BAG1: variants seen among roughly 807,000 people sequenced by gnomAD.
The protein encoded by BAG1 is BAG family molecular chaperone regulator 1.
BAG1 carries 35 observed loss-of-function variants against 35.5 expected under a neutral mutation model. That is an observed-to-expected ratio of 0.99 (90% CI 0.75 to 1.31). BAG1 has a LOEUF of 1.31. BAG1 is among the 50% of genes most tolerant of loss of function. BAG1 has a pLI of 0.00. For synonymous variants in BAG1, 191 were observed against 178.9 expected (o/e 1.07, Z -0.54); for missense variants, 464 against 453.6 (o/e 1.02, Z -0.21).
chr9:33,255,631 G>C (rs1164686818), intron 6 of BAG1, among the ~76,000 whole-genome samples: 1 of 152,240 alleles, frequency 6.6e-6, no homozygotes, highest in Non-Finnish European at 1.5e-5. Context: ...ATTGTGTAAT[G>C]TGTCAGCCCT....
At position 33,264,205 on chromosome 9, in the gene BAG1, C is replaced by G. The variant is rs778755896; in HGVS notation, c.451+19G>C. The G allele has an allele frequency of 5.1e-6, 8 of 1,582,374 alleles. No individual in the cohort carries two copies. The highest frequency in any genetic ancestry group is 1.8e-5 in the Admixed American group (1 of 55,808). ...GCTTTCGGGACCTGCATGGAGCCCA[C>G]CTGGCGCCCGACACTCACTGTGGGT... On this transcript the variant is annotated intron_variant, in intron 1 of 6. Coordinates refer to ENST00000634734, the MANE Select transcript of BAG1 (RefSeq NM_004323.6).
At chr9:33,255,771 A>G in intron 6 of BAG1, 94 bp downstream of exon 6, 1 of 1,395,332 alleles carries the variant, frequency 7.2e-7, no homozygotes. Flanking sequence ...CATACCACAC[A>G]CCACGCTCCT....
chr9:33,256,533 A>G (rs1463301176), intron 5 of BAG1, among the ~76,000 whole-genome samples: 1 of 152,232 alleles, frequency 6.6e-6, no homozygotes, highest in Non-Finnish European at 1.5e-5. Context: ...TCCCAGCTTC[A>G]TGACGATTAC....
intron 1 of BAG1, among the ~76,000 whole-genome samples, chr9:33,263,788 T>C (rs1409117564): frequency 6.6e-6 from 1 of 151,874 alleles, no homozygotes; most frequent in Admixed American, 6.6e-5. Context: ...GTACAACGCT[T>C]GGACCCACGG....
Position 33,264,691 on chromosome 9 carries a change from C to A in BAG1, c.-17G>T. ...CTGAGCCAGGCCCGCACTTGTTGACCGCCCAGCGATGGAAGCTGAGCGCGG... is the reference window on the plus strand; with the variant it reads ...CTGAGCCAGGCCCGCACTTGTTGACAGCCCAGCGATGGAAGCTGAGCGCGG... On this transcript the variant is annotated 5_prime_UTR_variant, in exon 1 of 7. Transcript: ENST00000634734. The A allele has an allele frequency of 2.2e-6, 3 of 1,356,748 alleles. No homozygotes were observed. The highest frequency in any genetic ancestry group is 3.7e-5 in the South Asian group (2 of 53,604). 84.0% of individuals were successfully genotyped at this position (1,356,748 alleles called of 1,614,324 possible). A position where few individuals can be genotyped will look rare whatever the true frequency, so the allele number is the denominator to read the frequency against.
At position 33,253,803 on chromosome 9, in the gene BAG1, T is replaced by G. The variant is rs922041249; in HGVS notation, c.*1416A>C. The G allele has an allele frequency of 6.6e-6, 1 of 151,668 alleles. No homozygotes were observed. Among genetic ancestry groups the G allele is most frequent in the African/African-American group, 2.4e-5 (1 of 41,270 alleles). The allele number at this position is 151,668 out of a possible 1,614,324, so 9.4% of individuals were successfully genotyped here. A position where few individuals can be genotyped will look rare whatever the true frequency, so the allele number is the denominator to read the frequency against. ...AGCAAACCACTCTTCTACTTTATGA[T>G]GAGCACATAAACAGTTTTTTTTTCT... On this transcript the variant is annotated 3_prime_UTR_variant, in exon 7 of 7. Transcript: ENST00000634734.
chr9:33,259,816 T>C (rs1348223927), intron 3 of BAG1: 1 of 152,228 alleles, frequency 6.6e-6, no homozygotes, highest in East Asian at 1.9e-4. Flanking sequence ...CAACGATGAA[T>C]ACTTTTATTG....
At position 33,262,789 on chromosome 9, in the gene BAG1, T is replaced by G; in HGVS notation, c.493A>C (p.Ser165Arg). 1 of 1,614,188 alleles carries G rather than the reference T, an allele frequency of 6.2e-7. No individual in the cohort carries two copies. Reference sequence around the variant, plus strand: ...AGGTCTTGGACAACTGGTTCACTGCTGCCCTGCTGGGAGGTAACATGAAGG... The same window carrying G: ...AGGTCTTGGACAACTGGTTCACTGCGGCCCTGCTGGGAGGTAACATGAAGG... The change falls in exon 2 of 7, where the codon AGC becomes CGC. Residue 165 changes from serine (S) to arginine (R), a missense_variant. Ser to Arg is a moderately radical substitution (Grantham distance 110, BLOSUM62 -1). Transcript: ENST00000634734.
At chr9:33,258,417 T>C (rs1820502128) in intron 4 of BAG1, among the ~76,000 whole-genome samples, 1 of 152,130 alleles carries the variant, frequency 6.6e-6, no homozygotes, top group African/African-American at 2.4e-5. Context: ...TACTGGGTTT[T>C]AGTACCCCAT....
At position 33,261,173 on chromosome 9, in the gene BAG1, A is replaced by G; in HGVS notation, c.581-4T>C. ...TCCATTTCCTTCAGAGATTTTCCTA[A>G]AAAGAGGAGAAAGGTAGGCCAAGTT... On this transcript the variant is annotated splice_polypyrimidine_tract_variant and splice_region_variant and intron_variant, in intron 2 of 6. Transcript: ENST00000634734. 6.2e-7 allele frequency: 1 copy of G among 1,601,044 alleles called. No homozygotes were observed. The highest frequency in any genetic ancestry group is 8.5e-7 in the Non-Finnish European group (1 of 1,172,756).
chr9:33,255,163 A>G lies in BAG1; in HGVS notation c.*56T>C, dbSNP rs1820424824. 6.2e-7 allele frequency: 1 copy of G among 1,614,046 alleles called. No homozygotes were observed. The highest frequency in any genetic ancestry group is 1.3e-5 in the African/African-American group (1 of 74,936). Reference sequence around the variant, plus strand: ...AAATCAGGTAAATTCCGCTCCAGAGACGGCAGAGCTGGTGGCGCCATTCTT... The same window carrying G: ...AAATCAGGTAAATTCCGCTCCAGAGGCGGCAGAGCTGGTGGCGCCATTCTT... On this transcript the variant is annotated 3_prime_UTR_variant, in exon 7 of 7. Coordinates refer to ENST00000634734, the MANE Select transcript of BAG1 (RefSeq NM_004323.6).
intron 1 of BAG1, 137 bp downstream of exon 1, chr9:33,264,087 A>T (rs1327751225): frequency 7.7e-6 from 8 of 1,033,432 alleles, no homozygotes; most frequent in Non-Finnish European, 1.1e-5. Context: ...AGTTCCACGG[A>T]CACAACCAAT....
chr9:33,260,852 T>C (rs1820553499), intron 3 of BAG1, among the ~76,000 whole-genome samples: 2 of 152,196 alleles, frequency 1.3e-5, no homozygotes, highest in Non-Finnish European at 2.9e-5. Flanking sequence ...AACATATTAT[T>C]AAGGCAGCAC....
At chr9:33,262,131 T>C in intron 2 of BAG1, 1 of 1,289,766 alleles carries the variant, frequency 7.8e-7, no homozygotes, top group Non-Finnish European at 1.0e-6. Context: ...GCCCATGAGC[T>C]TCATCGAAAA....
intron 4 of BAG1, 25 bp from the exon 5 acceptor site, chr9:33,256,933 C>A (rs1160761346): frequency 1.3e-6 from 2 of 1,575,126 alleles, no homozygotes; most frequent in Non-Finnish European, 1.7e-6. Context: ...TGCATTATTG[C>A]AAGGGTTCTC....
intron 2 of BAG1, among the ~76,000 whole-genome samples, chr9:33,261,606 T>C (rs956221625): frequency 2.0e-5 from 3 of 152,234 alleles, no homozygotes; most frequent in African/African-American, 7.2e-5. Context: ...TTCTTTTTCA[T>C]GCATTCCTCT....
rs1169259946 is a variant in BAG1, at chr9:33,264,530, C to T, written c.145G>A (p.Ala49Thr). The change falls in exon 1 of 7, where the codon GCC (alanine) becomes ACC (threonine). Residue 49 changes from alanine to threonine, a missense_variant. Ala to Thr is a moderately conservative substitution (Grantham distance 58). Transcript: ENST00000634734. ...TCATGCCCGCTGGCAGTACTCCGGG[C>T]AGGTGGACGCCCAGAGGGAGGCGGA... 2 of 1,570,678 alleles carry T rather than the reference C, an allele frequency of 1.3e-6. No individual in the cohort carries two copies. Among genetic ancestry groups the T allele is most frequent in the Admixed American group, 1.9e-5 (1 of 54,018 alleles).
rs941228509 is a variant in BAG1 at position 33,257,120 on chromosome 9, G to T, written c.778-212C>A. On this transcript the variant is annotated intron_variant, in intron 4 of 6. Transcript: ENST00000634734. ...ATCAGGTTGCAGTCTGCTCTACCTC[G>T]CATGACCCACTGTGGCTGCAAATGC... 15 of 515,448 alleles carry T rather than the reference G, an allele frequency of 2.9e-5. No individual in the cohort carries two copies. The South Asian group carries it at 4.0e-4, about 14-fold the overall frequency. The allele number at this position is 515,448 out of a possible 1,614,324, so 31.9% of individuals were successfully genotyped here.
intron 6 of BAG1, 23 bp downstream of exon 6, chr9:33,255,842 T>C: frequency 6.2e-7 from 1 of 1,600,514 alleles, no homozygotes; most frequent in Non-Finnish European, 8.6e-7. Flanking sequence ...TTACACCTTG[T>C]CGTGCACTAT....
Sources: allele counts gnomAD v4.1 joint callset (sites outside exome capture counted in the v4.1 genomes callset), GRCh38; gene constraint gnomAD v4.1.1; transcripts MANE v1.5; gene names NCBI Gene and HGNC (gene_info 2026-07-23, HGNC 2026-07-21).